The following FKTN variants were observed in gnomAD, a reference collection of about 807,000 sequenced individuals.
FKTN encodes ribitol-5-phosphate transferase FKTN.
A neutral mutation model predicts 58.6 loss-of-function variants in FKTN; 47 were observed. That is an observed-to-expected ratio of 0.80 (90% CI 0.63 to 1.02). The LOEUF (loss-of-function observed/expected upper bound fraction) is 1.02, where lower values mean the gene tolerates loss of function less well. Among genes scored for constraint, FKTN ranks in the 50% least tolerant of loss-of-function variants. The pLI is 0.00. For missense variants in FKTN, 516 were observed against 537.3 expected, an observed-to-expected ratio of 0.96 and a Z score of 0.39; for synonymous variants, 178 against 191.9, an observed-to-expected ratio of 0.93 and a Z score of 0.60.
intron 1 of FKTN, among the ~76,000 whole-genome samples, chr9:105,561,326 T>C (rs1203655568): frequency 6.6e-6 from 1 of 151,928 alleles, no homozygotes; most frequent in Non-Finnish European, 1.5e-5. Flanking sequence ...ATTAACATAA[T>C]TACATGTGGG....
intron 1 of FKTN, among the ~76,000 whole-genome samples, chr9:105,566,551 T>G (rs1186055030): frequency 1.3e-5 from 2 of 151,542 alleles, no homozygotes; most frequent in Non-Finnish European, 2.9e-5. Context: ...CTAGAAGAAA[T>G]GGATAAATTC....
chr9:105,614,194 C>A (rs572381371), intron 7 of FKTN, among the ~76,000 whole-genome samples: 9 of 152,166 alleles, frequency 5.9e-5, no homozygotes, highest in Non-Finnish European at 1.2e-4. Flanking sequence ...ATAGTGCTTT[C>A]CTCAGCTCCA....
chr9:105,561,130 G>A (rs141059165), intron 1 of FKTN, among the ~76,000 whole-genome samples: 13 of 151,602 alleles, frequency 8.6e-5, no homozygotes, highest in Non-Finnish European at 1.2e-4. Flanking sequence ...TTTGGGAGCC[G>A]GACAGTGTCT....
At chr9:105,567,714 G>T (rs1839932810) in intron 1 of FKTN, among the ~76,000 whole-genome samples, 1 of 152,136 alleles carries the variant, frequency 6.6e-6, no homozygotes, top group South Asian at 2.1e-4. Flanking sequence ...TGGCCATACT[G>T]CCCAAGGTAA....
intron 3 of FKTN, among the ~76,000 whole-genome samples, chr9:105,581,531 T>C (rs1842909867): frequency 1.3e-5 from 2 of 151,390 alleles, no homozygotes; most frequent in African/African-American, 4.9e-5. Flanking sequence ...GGTTCTCAGA[T>C]CTCCAGCTGC....
Position 105,638,146 on chromosome 9 carries a change from G to A in FKTN, c.*2882G>A. On this transcript the variant is annotated 3_prime_UTR_variant, in exon 11 of 11. Transcript: ENST00000357998. The stretch of plus-strand genomic sequence containing the variant: ...AAGAATGATCTGAACAAGAACAGCT[G>A]AGGCTAAAACCCAAGACTGCCGTGA... 1.0e-6 allele frequency: 1 copy of A among 984,880 alleles called. No homozygotes were observed. Among genetic ancestry groups the A allele is most frequent in the African/African-American group, 1.7e-5 (1 of 57,306 alleles). 61.0% of individuals were successfully genotyped at this position (984,880 alleles called of 1,614,324 possible). A position where few individuals can be genotyped will look rare whatever the true frequency, so the allele number is the denominator to read the frequency against.
In FKTN at chr9:105,593,556, C is replaced by T. The variant is rs114152492; in HGVS notation, c.106-3042C>T. ...AGTGTTGTAAGCATATAGATGGTGT[C>T]TAAAGCCATATGACTAGATGAGATA... On this transcript the variant is annotated intron_variant, in intron 3 of 10. Coordinates refer to ENST00000357998, the MANE Select transcript of FKTN (RefSeq NM_001079802.2). 9.1e-3 allele frequency among the ~76,000 whole-genome samples: 1,380 copies of T among 152,086 alleles called. 22 individuals carry two copies. The highest frequency in any genetic ancestry group is 0.032 in the African/African-American group (1,322 of 41,470).
chr9:105,628,481 T>C (rs933657024), intron 10 of FKTN, among the ~76,000 whole-genome samples: 6 of 152,230 alleles, frequency 3.9e-5, no homozygotes, highest in Non-Finnish European at 7.3e-5. Context: ...AGTAAATCTT[T>C]CATTTATGTG....
chr9:105,593,569 A>T (rs1042528792), intron 3 of FKTN, among the ~76,000 whole-genome samples: 5 of 152,182 alleles, frequency 3.3e-5, no homozygotes, highest in Admixed American at 3.3e-4. Flanking sequence ...AAGCCATATG[A>T]CTAGATGAGA....
At chr9:105,611,813 G>A (rs1254764730) in intron 7 of FKTN, among the ~76,000 whole-genome samples, 1 of 152,152 alleles carries the variant, frequency 6.6e-6, no homozygotes, top group East Asian at 1.9e-4. Flanking sequence ...ACACACACAT[G>A]TATGTGTCTT....
intron 10 of FKTN, among the ~76,000 whole-genome samples, chr9:105,625,602 G>A (rs772662842): frequency 5.3e-5 from 8 of 152,118 alleles, no homozygotes; most frequent in African/African-American, 1.2e-4. Context: ...GGAGGTGACC[G>A]GAAGAAATGG....
Position 105,604,961 on chromosome 9 carries a change from A to G in FKTN, c.647+469A>G, listed in dbSNP as rs1027962300. Among the ~76,000 whole-genome samples, 3 of 152,008 alleles carry G rather than the reference A, an allele frequency of 2.0e-5. No homozygotes were observed. The South Asian group carries it at 6.2e-4, about 31-fold the overall frequency. On this transcript the variant is annotated intron_variant, in intron 6 of 10. Transcript: ENST00000357998. ...ACAGAGCAGGACTTTGTCTCAAAAA[A>G]AAAAAAAAAACTGTAAAGGAATAAA...
In FKTN at chr9:105,613,768, G is replaced by A. The variant is rs183624851; in HGVS notation, c.781-1510G>A. 8.6e-3 allele frequency among the ~76,000 whole-genome samples: 1,309 copies of A among 152,282 alleles called. 11 individuals are homozygous for A. The highest frequency in any genetic ancestry group is 0.017 in the Middle Eastern group (5 of 294). On this transcript the variant is annotated intron_variant, in intron 7 of 10. Coordinates refer to ENST00000357998, the MANE Select transcript of FKTN (RefSeq NM_001079802.2). ...TGGTAACTATTATAAGCTTGTTAAG[G>A]AAAAAGATAATTCATTTGTCTTTGT...
chr9:105,562,129 C>T (rs1266364047), intron 1 of FKTN, among the ~76,000 whole-genome samples: 2 of 152,226 alleles, frequency 1.3e-5, no homozygotes, highest in Admixed American at 1.3e-4. Context: ...CTGAAGGATT[C>T]TTCCTGTGCG....
chr9:105,605,057 A>C (rs1230650097), intron 6 of FKTN, among the ~76,000 whole-genome samples: 1 of 152,130 alleles, frequency 6.6e-6, no homozygotes, highest in Non-Finnish European at 1.5e-5. Context: ...GGGTCTGTGC[A>C]CATTGTGGAT....
At chr9:105,578,752 C>T (rs931082206) in intron 3 of FKTN, among the ~76,000 whole-genome samples, 29 of 151,674 alleles carry the variant, frequency 1.9e-4, no homozygotes, top group African/African-American at 5.8e-4. Flanking sequence ...ATGGTACCAG[C>T]TCCTCCTTGT....
At chr9:105,616,806 T>C (rs1473115174) in intron 8 of FKTN, among the ~76,000 whole-genome samples, 1 of 152,062 alleles carries the variant, frequency 6.6e-6, no homozygotes, top group Non-Finnish European at 1.5e-5. Context: ...GGATATACGG[T>C]TATCCTATCT....
intron 10 of FKTN, among the ~76,000 whole-genome samples, chr9:105,632,419 T>TA (rs11399147): frequency 0.35 from 50,395 of 142,806 alleles, 8,944 homozygotes; most frequent in African/African-American, 0.41. Flanking sequence ...AAAAGTATAA[T>TA]AAAAAAAAAT....
intron 10 of FKTN, among the ~76,000 whole-genome samples, chr9:105,627,002 CAG>C (rs1479156348): frequency 1.5e-5 from 2 of 132,934 alleles, no homozygotes; most frequent in Admixed American, 7.8e-5. Context: ...TTTTTTGAGA[CAG>C]AGTTGTCACC....
Sources: gnomAD v4.1 joint callset for allele counts (sites outside exome capture counted in the v4.1 genomes callset) on GRCh38, gnomAD v4.1.1 for gene constraint, MANE v1.5 for transcripts, NCBI Gene and HGNC (gene_info 2026-07-23, HGNC 2026-07-21) for gene names.